The following DVL2 variants were observed in gnomAD, a reference collection of about 807,000 sequenced individuals.
DVL2 encodes the protein dishevelled segment polarity protein 2.
Under a neutral mutation model 69.8 loss-of-function variants are expected in DVL2, and 38 were observed. The ratio of observed to expected loss-of-function variants is 0.54; its 90% CI spans 0.42 to 0.71. The LOEUF is 0.71. DVL2 is among the 30% of genes least tolerant of loss of function. The pLI, the probability that DVL2 is intolerant of heterozygous loss-of-function variation, is 0.00. For missense variants in DVL2, 931 were observed against 1,008.1 expected (o/e 0.92, Z 1.04); for synonymous variants, 428 against 392.4 (o/e 1.09, Z -1.07).
rs1162153370 is a variant in DVL2, at chr17:7,234,368, G to C, written c.-106C>G. On this transcript the variant is annotated 5_prime_UTR_variant, in exon 1 of 15. Coordinates refer to ENST00000005340, the MANE Select transcript of DVL2 (RefSeq NM_004422.3). ...CCGACGCGCGAGCGCGGACAGGACTGACCCAGTACGGGAGAGAAGCAAAGG... is the reference window on the plus strand; with the variant it reads ...CCGACGCGCGAGCGCGGACAGGACTCACCCAGTACGGGAGAGAAGCAAAGG... The C allele has an allele frequency of 7.8e-7, 1 of 1,290,184 alleles. No individual in the cohort carries two copies. The highest frequency in any genetic ancestry group is 1.1e-6 in the Non-Finnish European group (1 of 931,530). The allele number at this position is 1,290,184 out of a possible 1,614,324, so 79.9% of individuals were successfully genotyped here.
chr17:7,230,586 T>C lies in DVL2; in HGVS notation c.264+142A>G, dbSNP rs549923088. 3.4e-4 allele frequency: 440 copies of C among 1,313,300 alleles called. 3 individuals are homozygous for C. Among genetic ancestry groups the C allele is most frequent in the South Asian group, 2.9e-3 (211 of 71,710 alleles). 81.4% of individuals were successfully genotyped at this position (1,313,300 alleles called of 1,614,324 possible). A position where few individuals can be genotyped will look rare whatever the true frequency, so the allele number is the denominator to read the frequency against. On this transcript the variant is annotated intron_variant, in intron 2 of 14. Coordinates refer to ENST00000005340, the MANE Select transcript of DVL2 (RefSeq NM_004422.3). The stretch of plus-strand genomic sequence containing the variant: ...CTCCAGAAGGAGAAGGCTGAGGGCC[T>C]CTCGCCGGCTCTCCAAACAGACAGG...
In DVL2 at chr17:7,225,791, AGAGC is replaced by A; in HGVS notation, c.*70_*73del. The A allele has an allele frequency of 7.4e-7, 1 of 1,345,938 alleles. No homozygotes were observed. Among genetic ancestry groups the A allele is most frequent in the Non-Finnish European group, 1.1e-6 (1 of 944,570 alleles). The allele number at this position is 1,345,938 out of a possible 1,614,324, so 83.4% of individuals were successfully genotyped here. ...TGGTAGGCTGAGCCCAGGCACTGTA[AGAGC>A]AAGCACATGACGGCCAGGACACCCA... is the stretch of plus-strand genomic sequence containing the variant. On this transcript the variant is annotated 3_prime_UTR_variant, in exon 15 of 15. Coordinates refer to ENST00000005340, the MANE Select transcript of DVL2 (RefSeq NM_004422.3).
chr17:7,225,873 C>T lies in DVL2; in HGVS notation c.2203G>A (p.Val735Ile), dbSNP rs201114631. The change falls in exon 15 of 15, where the codon GTT becomes ATT. Residue 735 changes from valine to isoleucine, a missense_variant. By Grantham distance (29) the Val-to-Ile change is conservative. Transcript: ENST00000005340. Reference protein sequence around the residue: ...MGNPSEFFVDVM With the variant: ...MGNPSEFFVDIM Reference sequence around the variant, plus strand: ...CCTGGCCCCACAGTGGGCTACATAACATCCACAAAGAACTCGCTGGGATTG... The same window carrying T: ...CCTGGCCCCACAGTGGGCTACATAATATCCACAAAGAACTCGCTGGGATTG... The T allele has an allele frequency of 1.4e-4, 224 of 1,613,790 alleles. No homozygotes were observed. The highest frequency in any genetic ancestry group is 5.4e-5 in the Non-Finnish European group (64 of 1,180,004).
In DVL2 at chr17:7,229,619, C is replaced by G; in HGVS notation, c.716G>C (p.Arg239Pro). The G allele has an allele frequency of 6.4e-7, 1 of 1,553,516 alleles. No individual in the cohort carries two copies. Among genetic ancestry groups the G allele is most frequent in the Non-Finnish European group, 8.7e-7 (1 of 1,151,432 alleles). Residue 239 changes from arginine to proline, a missense_variant, in exon 6 of 15, where the codon CGA becomes CCA. Transcript: ENST00000005340. The surrounding 1 kb of genome is among the most constrained non-coding windows in gnomAD (Gnocchi z 4.4). Reference sequence around the variant, plus strand: ...CAGGCGGGGTGGCCTCTGCTTCCTTCGCCGCCGGTGGCGCTTAAGGAGGCG... The same window carrying G: ...CAGGCGGGGTGGCCTCTGCTTCCTTGGCCGCCGGTGGCGCTTAAGGAGGCG... ...ASRLLKRHRR[R>P]RKQRPPRLER...
chr17:7,229,673 C>G lies in DVL2; in HGVS notation c.662G>C (p.Ser221Thr). 1.3e-6 allele frequency: 2 copies of G among 1,551,424 alleles called. No homozygotes were observed. Among genetic ancestry groups the G allele is most frequent in the South Asian group, 1.2e-5 (1 of 81,132 alleles). Residue 221 changes from serine to threonine, a missense_variant, in exon 6 of 15, where the codon AGC becomes ACC. Transcript: ENST00000005340. The surrounding 1 kb of genome is among the most constrained non-coding windows in gnomAD (Gnocchi z 4.4). Reference sequence around the variant, plus strand: ...GGCACTGCTCTGCTCCGTGGAGCTGCTGAACCTACCAGGAGGTTGGGAAGG... The same window carrying G: ...GGCACTGCTCTGCTCCGTGGAGCTGGTGAACCTACCAGGAGGTTGGGAAGG... Reference protein sequence around the residue: ...SDEEDTMSRFSSSTEQSSASR... With the variant: ...SDEEDTMSRFTSSTEQSSASR...
At chr17:7,227,021 G>A in intron 13 of DVL2, 69 bp downstream of exon 13, 1 of 1,498,398 alleles carries the variant, frequency 6.7e-7, no homozygotes, top group Non-Finnish European at 9.0e-7. Context: ...TCTGGGCTAG[G>A]TCTAGGGTTG....
At chr17:7,230,880 C>G in intron 1 of DVL2, 83 bp from the exon 2 acceptor site, 2 of 1,078,548 alleles carry the variant, frequency 1.9e-6, no homozygotes, top group East Asian at 2.5e-5. Flanking sequence ...CCAATCTTCA[C>G]CTGGCTCCAG....
rs202054703 is a variant in DVL2 at position 7,225,923 on chromosome 17, C to T, written c.2153G>A (p.Arg718His). 1.2e-4 allele frequency: 195 copies of T among 1,613,912 alleles called. 2 individuals are homozygous for T. The South Asian group carries it at 1.7e-3, about 14-fold the overall frequency. ...GSVPPELTASRQSFHMAMGNP... is the reference protein window; with the variant it reads ...GSVPPELTASHQSFHMAMGNP... ...GCCCATGGCCATGTGGAAGCTTTGG[C>T]GGCTGGCTGTCAGTTCTGGGGGCAC... is the stretch of plus-strand genomic sequence containing the variant. The change falls in exon 15 of 15, where the codon CGC (arginine) becomes CAC (histidine). Residue 718 changes from arginine to histidine, a missense_variant. By Grantham distance (29) the Arg-to-His change is conservative. Coordinates refer to ENST00000005340, the MANE Select transcript of DVL2 (RefSeq NM_004422.3).
chr17:7,234,232 C>T lies in DVL2; in HGVS notation c.31G>A (p.Val11Ile). 1.2e-6 allele frequency: 2 copies of T among 1,611,586 alleles called. No homozygotes were observed. Among genetic ancestry groups the T allele is most frequent in the Admixed American group, 3.3e-5 (2 of 59,932 alleles). Residue 11 changes from valine to isoleucine, a missense_variant, in exon 1 of 15, where the codon GTT (valine) becomes ATT (isoleucine). Around this residue, in one of 3 missense-constraint regions of DVL2, gnomAD observed 555 missense variants for 588.8 expected, o/e 0.94. Coordinates refer to ENST00000005340, the MANE Select transcript of DVL2 (RefSeq NM_004422.3). ...TGGTAAATCACCTTCGTCTCCCCAA[C>T]CCCACCGCCCCCAGTGCTGCTACCC... MAGSSTGGGG[V>I]GETKVIYHLD...
At position 7,229,542 on chromosome 17, in the gene DVL2, T is replaced by C. The variant is rs1364905359; in HGVS notation, c.747+46A>G. 1 of 1,603,518 alleles carries C rather than the reference T, an allele frequency of 6.2e-7. No individual in the cohort carries two copies. Among genetic ancestry groups the C allele is most frequent in the Non-Finnish European group, 8.5e-7 (1 of 1,174,080 alleles). On this transcript the variant is annotated intron_variant, in intron 6 of 14. Coordinates refer to ENST00000005340, the MANE Select transcript of DVL2 (RefSeq NM_004422.3). The surrounding 1 kb of genome is among the most constrained non-coding windows in gnomAD (Gnocchi z 4.4). ...CTGGCACCGCCCAAACCAAAGCCCA[T>C]GCCCCACCTTCTCCCAGCACCAGCC...
intron 1 of DVL2, among the ~76,000 whole-genome samples, chr17:7,232,285 T>A (rs1482758956): frequency 6.6e-6 from 1 of 152,202 alleles, no homozygotes; most frequent in African/African-American, 2.4e-5. Context: ...TAGGACACCT[T>A]GTCTAATTAA....
intron 1 of DVL2, among the ~76,000 whole-genome samples, chr17:7,232,667 T>C (rs1392818370): frequency 6.6e-6 from 1 of 152,200 alleles, no homozygotes; most frequent in Non-Finnish European, 1.5e-5. Context: ...AAACCTTGCC[T>C]TAAAGCCAAG....
At position 7,227,108 on chromosome 17, in the gene DVL2, T is replaced by C. The variant is rs755649203; in HGVS notation, c.1525A>G (p.Ser509Gly). 3.7e-6 allele frequency: 6 copies of C among 1,612,316 alleles called. No homozygotes were observed. The highest frequency in any genetic ancestry group is 5.1e-6 in the Non-Finnish European group (6 of 1,179,074). Residue 509 changes from serine (S) to glycine (G), a missense_variant, in exon 13 of 15, where the codon AGT becomes GGT. Coordinates refer to ENST00000005340, the MANE Select transcript of DVL2 (RefSeq NM_004422.3). ...EQCYYVFGDL[S>G]GGCESYLVNL... ...GACTTACAGCTCTCACAGCCACCAC[T>C]GAGGTCTCCGAAGACGTAATAGCAC...
At position 7,226,279 on chromosome 17, in the gene DVL2, C is replaced by A. The variant is rs764349752; in HGVS notation, c.1797G>T (p.Gly599=). ...CGGGCCTCCCCGTGCGCCCTGCCCC[C>A]CCATCACTCCGTGTCGACCCACTGC... ...SRSSGSTRSD[G]GAGRTGRPEE... is the part of the protein sequence containing the mutation. Residue 599 remains glycine, a synonymous_variant, in exon 15 of 15, where the codon GGG becomes GGT. Transcript: ENST00000005340. 9 of 1,592,876 alleles carry A rather than the reference C, an allele frequency of 5.7e-6. No homozygotes were observed. Among genetic ancestry groups the A allele is most frequent in the South Asian group, 2.3e-5 (2 of 88,456 alleles).
intron 1 of DVL2, among the ~76,000 whole-genome samples, chr17:7,231,446 CAAAAAAA>C (rs57713433): frequency 1.0e-5 from 1 of 98,866 alleles, no homozygotes. Flanking sequence ...CTGGGCGGCT[CAAAAAAA>C]AAAAAAAAAA....
In DVL2 at chr17:7,234,404, C is replaced by G. The variant is rs1375533561; in HGVS notation, c.-142G>C. 7.1e-6 allele frequency: 7 copies of G among 992,058 alleles called. No individual in the cohort carries two copies. The Admixed American group carries it at 2.2e-4, about 31-fold the overall frequency. 61.5% of individuals were successfully genotyped at this position (992,058 alleles called of 1,614,324 possible). ...GGAGAGAAGCAAAGGGGAAAAAGCA[C>G]GGATCTGCGAGGGTGGCGGCGGGGG... On this transcript the variant is annotated 5_prime_UTR_variant, in exon 1 of 15. Transcript: ENST00000005340.
At position 7,234,331 on chromosome 17, in the gene DVL2, C is replaced by G; in HGVS notation, c.-69G>C. ...GCTAATGGCCCCTGCCGCGCCTGCG[C>G]ACACCCGCAAACCGACGCGCGAGCG... is the stretch of plus-strand genomic sequence containing the variant. On this transcript the variant is annotated 5_prime_UTR_variant, in exon 1 of 15. Coordinates refer to ENST00000005340, the MANE Select transcript of DVL2 (RefSeq NM_004422.3). 6.5e-7 allele frequency: 1 copy of G among 1,538,754 alleles called. No individual in the cohort carries two copies. Among genetic ancestry groups the G allele is most frequent in the South Asian group, 1.2e-5 (1 of 81,226 alleles).
intron 13 of DVL2, 43 bp from the exon 14 acceptor site, chr17:7,226,682 G>C: frequency 7.0e-7 from 1 of 1,419,052 alleles, no homozygotes; most frequent in East Asian, 2.4e-5. Flanking sequence ...TGCTTCAAGA[G>C]GCTAGGGCCC....
rs1248646756 is a variant in DVL2 at position 7,234,279 on chromosome 17, T to C, written c.-17A>G. ...ACCCGCCATGGTCTCGCCCGCGCGC[T>C]CCCGGGCTCCACCGCCCACCCAAAG... On this transcript the variant is annotated 5_prime_UTR_variant, in exon 1 of 15. Coordinates refer to ENST00000005340, the MANE Select transcript of DVL2 (RefSeq NM_004422.3). 5.6e-6 allele frequency: 9 copies of C among 1,597,646 alleles called. No individual in the cohort carries two copies. The highest frequency in any genetic ancestry group is 2.0e-4 in the Middle Eastern group (1 of 4,988).
Sources: allele counts gnomAD v4.1 joint callset (sites outside exome capture counted in the v4.1 genomes callset), GRCh38; gene constraint gnomAD v4.1.1; regional missense constraint gnomAD v4.1.1; non-coding constraint Gnocchi (gnomAD v3.1); transcripts MANE v1.5; gene names NCBI Gene and HGNC (gene_info 2026-07-23, HGNC 2026-07-21).